The following PTPRD variants were observed in gnomAD, a reference collection of about 807,000 sequenced individuals.
PTPRD encodes the protein protein tyrosine phosphatase receptor type D.
Under a neutral mutation model 214.5 loss-of-function variants are expected in PTPRD, and 34 were observed. That is an observed-to-expected ratio of 0.16 (90% confidence interval 0.12 to 0.21). The LOEUF is 0.21. PTPRD is among the 10% of genes least tolerant of loss of function. The probability of loss-of-function intolerance (pLI) is 1.00; values close to 1 mark genes in which losing one functional copy is unlikely to be tolerated. For synonymous variants in PTPRD, 1,128 were observed against 845.7 expected (o/e 1.33, Z -5.79); for missense variants, 2,545 against 2,398.7 (o/e 1.06, Z -1.27).
At chr9:9,944,216 TC>T (rs2092172184) in intron 4 of PTPRD, among the ~76,000 whole-genome samples, 1 of 152,136 alleles carries the variant, frequency 6.6e-6, no homozygotes, top group Non-Finnish European at 1.5e-5. Context: ...TTCACAGATG[TC>T]AATCACTACA....
At chr9:8,924,940 A>G (rs1424740155) in intron 11 of PTPRD, among the ~76,000 whole-genome samples, 1 of 152,172 alleles carries the variant, frequency 6.6e-6, no homozygotes, top group Non-Finnish European at 1.5e-5. Flanking sequence ...CCATTTGCTT[A>G]TGCTGCTGAT....
intron 10 of PTPRD, among the ~76,000 whole-genome samples, chr9:9,155,946 G>A (rs1224594119): frequency 6.6e-6 from 1 of 152,222 alleles, no homozygotes; most frequent in East Asian, 1.9e-4. Context: ...TCCTTGAACA[G>A]AGACTTCAGA....
chr9:9,090,795 T>C lies in PTPRD; in HGVS notation c.-142-72060A>G, dbSNP rs2099774388. On this transcript the variant is annotated intron_variant, in intron 10 of 45. Coordinates refer to ENST00000381196, the MANE Select transcript of PTPRD (RefSeq NM_002839.4). ...CCTCTTTAGCTGAGTTGCTGCATTCTTCAAATAACTCTTAATGACATCTCA... is the reference window on the plus strand; with the variant it reads ...CCTCTTTAGCTGAGTTGCTGCATTCCTCAAATAACTCTTAATGACATCTCA... 4 of 681,802 alleles carry C rather than the reference T, an allele frequency of 5.9e-6. No individual in the cohort carries two copies. The South Asian group carries it at 6.4e-5, about 11-fold the overall frequency. 42.2% of individuals were successfully genotyped at this position (681,802 alleles called of 1,614,324 possible). A position where few individuals can be genotyped will look rare whatever the true frequency, so the allele number is the denominator to read the frequency against.
chr9:10,409,881 T>C (rs1028645740), intron 2 of PTPRD, among the ~76,000 whole-genome samples: 1 of 151,708 alleles, frequency 6.6e-6, no homozygotes, highest in African/African-American at 2.4e-5. Context: ...AAGCAGATTT[T>C]CCAGCCCCAT....
At chr9:8,500,558 G>GGAA (rs2097373754) in intron 24 of PTPRD, among the ~76,000 whole-genome samples, 196 bp downstream of exon 24, 216 of 14,334 alleles carry the variant, frequency 0.015, 5 homozygotes, top group Non-Finnish European at 0.02. Context: ...TGAAAAAAAT[G>GGAA]AAAAAAAAAA....
chr9:9,983,185 G>C (rs1414611795), intron 4 of PTPRD, among the ~76,000 whole-genome samples: 2 of 152,130 alleles, frequency 1.3e-5, no homozygotes, highest in African/African-American at 4.8e-5. Context: ...TGGGAAAGAG[G>C]ACCTTGATTT....
At chr9:9,367,804 G>A (rs963239329) in intron 9 of PTPRD, among the ~76,000 whole-genome samples, 7 of 151,680 alleles carry the variant, frequency 4.6e-5, no homozygotes, top group Non-Finnish European at 7.4e-5. Flanking sequence ...CCAAATTGCT[G>A]TAATAAGAAA....
At chr9:8,936,798 G>C (rs944011423) in intron 11 of PTPRD, among the ~76,000 whole-genome samples, 1 of 152,126 alleles carries the variant, frequency 6.6e-6, no homozygotes, top group Non-Finnish European at 1.5e-5. Context: ...ATATTGAAAG[G>C]ATAAAGGTTT....
chr9:9,116,925 C>T (rs745509829), intron 10 of PTPRD, among the ~76,000 whole-genome samples: 1 of 152,224 alleles, frequency 6.6e-6, no homozygotes, highest in Admixed American at 6.5e-5. Flanking sequence ...ATGCTTGTTA[C>T]CATGCCTGAC....
intron 12 of PTPRD, among the ~76,000 whole-genome samples, chr9:8,723,867 T>C (rs2098528738): frequency 6.6e-6 from 1 of 152,218 alleles, no homozygotes; most frequent in South Asian, 2.1e-4. Context: ...GAATAGATTG[T>C]GTGCTATTTT....
chr9:9,712,302 T>C (rs1056318133), intron 7 of PTPRD, among the ~76,000 whole-genome samples: 76 of 152,268 alleles, frequency 5.0e-4, no homozygotes, highest in African/African-American at 1.8e-3. Flanking sequence ...AGAAATAAAA[T>C]TCATCAGATT....
intron 12 of PTPRD, chr9:8,701,689 T>A (rs561253910): frequency 6.6e-6 from 1 of 152,216 alleles, no homozygotes; most frequent in Admixed American, 6.5e-5. Context: ...TGCTACATAC[T>A]GCTCTTCCTT....
chr9:8,985,136 T>C (rs1202864042), intron 11 of PTPRD, among the ~76,000 whole-genome samples: 1 of 152,120 alleles, frequency 6.6e-6, no homozygotes, highest in African/African-American at 2.4e-5. Context: ...AATATGAGCA[T>C]ATTTACTTTA....
chr9:8,327,434 G>A lies in PTPRD; in HGVS notation c.5534+4148C>T, dbSNP rs191225981. 3.1e-3 allele frequency among the ~76,000 whole-genome samples: 479 copies of A among 152,118 alleles called. 3 individuals carry two copies. The highest frequency in any genetic ancestry group is 0.011 in the African/African-American group (442 of 41,520). On this transcript the variant is annotated intron_variant, in intron 44 of 45. Transcript: ENST00000381196. Reference sequence around the variant, plus strand: ...TGATTTCTGTTCTTTTGCATTTGCTGAGGAGTGTTTTACTTCCAATATGTG... The same window carrying A: ...TGATTTCTGTTCTTTTGCATTTGCTAAGGAGTGTTTTACTTCCAATATGTG...
intron 8 of PTPRD, among the ~76,000 whole-genome samples, chr9:9,469,215 T>A (rs2094428158): frequency 6.6e-6 from 1 of 152,070 alleles, no homozygotes; most frequent in South Asian, 2.1e-4. Context: ...AAATAAATAT[T>A]ATATATTATT....
At chr9:9,895,763 T>G (rs1034172551) in intron 5 of PTPRD, among the ~76,000 whole-genome samples, 4 of 152,122 alleles carry the variant, frequency 2.6e-5, no homozygotes, top group African/African-American at 4.8e-5. Flanking sequence ...AATGAAGGAC[T>G]AGTAGCAGCT....
At chr9:9,829,798 T>A (rs117705631) in intron 5 of PTPRD, among the ~76,000 whole-genome samples, 6,881 of 151,878 alleles carry the variant, frequency 0.045, 255 homozygotes, top group Middle Eastern at 0.092. Flanking sequence ...AAACCTACAT[T>A]ATCATTATTA....
At chr9:8,333,514 T>A (rs1843498075) in intron 43 of PTPRD, among the ~76,000 whole-genome samples, 1 of 152,280 alleles carries the variant, frequency 6.6e-6, no homozygotes, top group South Asian at 2.1e-4. Context: ...TGAGAGATTA[T>A]GTCACCACCA....
chr9:10,162,452 C>T (rs1304641), intron 3 of PTPRD, among the ~76,000 whole-genome samples: 16,016 of 150,564 alleles, frequency 0.11, 1,093 homozygotes, highest in South Asian at 0.2. Context: ...CAGAGCAAGA[C>T]ATATATCACA....
Sources: gnomAD v4.1 joint callset for allele counts (sites outside exome capture counted in the v4.1 genomes callset) on GRCh38, gnomAD v4.1.1 for gene constraint, MANE v1.5 for transcripts, NCBI Gene and HGNC (gene_info 2026-07-23, HGNC 2026-07-21) for gene names.